VAV2: variants seen among roughly 807,000 people sequenced by gnomAD.
The protein encoded by VAV2 is guanine nucleotide exchange factor VAV2.
VAV2 carries 67 observed loss-of-function variants against 132.5 expected under a neutral mutation model. The ratio of observed to expected loss-of-function variants is 0.51; its 90% CI spans 0.42 to 0.62. The LOEUF (loss-of-function observed/expected upper bound fraction) is 0.62, where lower values mean the gene tolerates loss of function less well. VAV2 is among the 20% of genes least tolerant of loss of function. The pLI, the probability that VAV2 is intolerant of heterozygous loss-of-function variation, is 0.00. For synonymous variants in VAV2, 492 were observed against 443.5 expected, an observed-to-expected ratio of 1.11 and a Z score of -1.37; for missense variants, 938 against 1,153.6, an observed-to-expected ratio of 0.81 and a Z score of 2.71.
chr9:133,853,604 C>T (rs1322358611), intron 3 of VAV2, among the ~76,000 whole-genome samples: 2 of 152,116 alleles, frequency 1.3e-5, no homozygotes, highest in Non-Finnish European at 2.9e-5. Flanking sequence ...TGCACTACAG[C>T]CAACCCACAC....
rs879317769 is a variant in VAV2, at chr9:133,928,170, CGT to C, written c.321+10931_321+10932del. Among the ~76,000 whole-genome samples, 5 of 36,794 alleles carry C rather than the reference CGT, an allele frequency of 1.4e-4. No individual in the cohort carries two copies. The highest frequency in any genetic ancestry group is 2.3e-4 in the African/African-American group (5 of 21,888). 24.1% of individuals were successfully genotyped at this position (36,794 alleles called of 152,430 possible). The stretch of plus-strand genomic sequence containing the variant: ...CAGCATCCGATGGGCTTACCGACTC[CGT>C]GTGTGTGTGTGTGTGTGCGTGCATG... On this transcript the variant is annotated intron_variant, in intron 2 of 29. Transcript: ENST00000371850. The surrounding 1 kb of genome is among the most constrained non-coding windows in gnomAD (Gnocchi z 5.4).
chr9:133,911,151 C>T (rs745695), intron 2 of VAV2, among the ~76,000 whole-genome samples: 61,611 of 152,074 alleles, frequency 0.41, 12,971 homozygotes, highest in East Asian at 0.65. Context: ...TGTATTCACG[C>T]GTGCACTGGG....
intron 23 of VAV2, 75 bp downstream of exon 23, chr9:133,777,314 C>A: frequency 6.7e-7 from 1 of 1,496,900 alleles, no homozygotes; most frequent in Non-Finnish European, 9.2e-7. Flanking sequence ...AAAATGTCCA[C>A]GTGAGGAGGC....
Position 133,885,379 on chromosome 9 carries a change from C to A in VAV2, c.322-23947G>T, listed in dbSNP as rs1321848587. On this transcript the variant is annotated intron_variant, in intron 2 of 29. Transcript: ENST00000371850. The surrounding 1 kb of genome is among the most constrained non-coding windows in gnomAD (Gnocchi z 5.0). Reference sequence around the variant, plus strand: ...GTGTACTCAGGCATCCCTGTCACATCGATGAGCAAACATGGCCCAGCGATT... The same window carrying A: ...GTGTACTCAGGCATCCCTGTCACATAGATGAGCAAACATGGCCCAGCGATT... Among the ~76,000 whole-genome samples the A allele has an allele frequency of 6.6e-6, 1 of 152,224 alleles. No homozygotes were observed. The highest frequency in any genetic ancestry group is 2.1e-4 in the South Asian group (1 of 4,830).
Position 133,826,672 on chromosome 9 carries a change from T to C in VAV2, c.449+7600A>G, listed in dbSNP as rs555645477. Among the ~76,000 whole-genome samples the C allele has an allele frequency of 6.6e-6, 1 of 152,260 alleles. No homozygotes were observed. Among genetic ancestry groups the C allele is most frequent in the East Asian group, 1.9e-4 (1 of 5,178 alleles). ...CAGCCACCTAGGATGAAGCGGTGGC[T>C]AAATAAAGCTTGGTCTCATGTCCAT... On this transcript the variant is annotated intron_variant, in intron 4 of 29. Transcript: ENST00000371850. This position sits in a 1 kb window ranked among gnomAD's most constrained non-coding sequence, Gnocchi z 4.2.
At chr9:133,950,784 T>C (rs893570374) in intron 1 of VAV2, among the ~76,000 whole-genome samples, 2 of 152,126 alleles carry the variant, frequency 1.3e-5, no homozygotes, top group Admixed American at 6.6e-5. Flanking sequence ...AAGCCATCTG[T>C]GAAACGGGCT....
intron 1 of VAV2, among the ~76,000 whole-genome samples, chr9:133,987,550 G>A (rs886787917): frequency 5.3e-5 from 8 of 152,262 alleles, no homozygotes. Flanking sequence ...AGGGAGCACA[G>A]GGAGTTGAGG....
At chr9:133,984,121 ACC>A (rs1842782162) in intron 1 of VAV2, among the ~76,000 whole-genome samples, 2 of 152,028 alleles carry the variant, frequency 1.3e-5, no homozygotes, top group Admixed American at 1.3e-4. Context: ...ACAAGTGTGC[ACC>A]ACCACACCCA....
rs548470667 is a variant in VAV2 at position 133,795,870 on chromosome 9, G to T, written c.1033-134C>A. 35 of 912,812 alleles carry T rather than the reference G, an allele frequency of 3.8e-5. No homozygotes were observed. The African/African-American group carries it at 4.8e-4, about 13-fold the overall frequency. The allele number at this position is 912,812 out of a possible 1,614,324, so 56.5% of individuals were successfully genotyped here. On this transcript the variant is annotated intron_variant, in intron 11 of 29. Coordinates refer to ENST00000371850, the MANE Select transcript of VAV2 (RefSeq NM_001134398.2). The stretch of plus-strand genomic sequence containing the variant: ...GCCACCCCCACCCGCCAGCCAGGCT[G>T]GGTTTGGCTGCCCGACACCAAAGGA...
intron 2 of VAV2, among the ~76,000 whole-genome samples, chr9:133,894,355 A>C (rs1839110055): frequency 6.6e-6 from 1 of 152,206 alleles, no homozygotes; most frequent in Non-Finnish European, 1.5e-5. Flanking sequence ...TCCTTCAACA[A>C]AGGCTGGTGA....
chr9:133,775,358 C>T (rs1833776657), intron 24 of VAV2, among the ~76,000 whole-genome samples: 1 of 152,176 alleles, frequency 6.6e-6, no homozygotes, highest in African/African-American at 2.4e-5. Context: ...CTCTACAGAC[C>T]CCAAGGGCCT....
In VAV2 at chr9:133,912,660, G is replaced by A. The variant is rs193172717; in HGVS notation, c.321+26443C>T. Among the ~76,000 whole-genome samples, 1 of 152,272 alleles carries A rather than the reference G, an allele frequency of 6.6e-6. No individual in the cohort carries two copies. Among genetic ancestry groups the A allele is most frequent in the East Asian group, 1.9e-4 (1 of 5,178 alleles). On this transcript the variant is annotated intron_variant, in intron 2 of 29. Transcript: ENST00000371850. This position sits in a 1 kb window ranked among gnomAD's most constrained non-coding sequence, Gnocchi z 4.3. ...TTCTCCACGTGTGCACAGCACTCCC[G>A]AGGCGCTCCCAAGCTGTCAGGCAGC...
rs139234729 is a variant in VAV2 at position 133,802,691 on chromosome 9, C to T, written c.836+3390G>A. Among the ~76,000 whole-genome samples, 41 of 152,296 alleles carry T rather than the reference C, an allele frequency of 2.7e-4. No homozygotes were observed. The East Asian group carries it at 6.2e-3, about 23-fold the overall frequency. Reference sequence around the variant, plus strand: ...TACGTCAAATTCTGAACCCACCACACGGTGCACAAATGCCTCCTCCAGAGA... The same window carrying T: ...TACGTCAAATTCTGAACCCACCACATGGTGCACAAATGCCTCCTCCAGAGA... On this transcript the variant is annotated intron_variant, in intron 9 of 29. Coordinates refer to ENST00000371850, the MANE Select transcript of VAV2 (RefSeq NM_001134398.2). The surrounding 1 kb of genome is among the most constrained non-coding windows in gnomAD (Gnocchi z 5.8).
chr9:133,778,092 G>A (rs1052700218), intron 22 of VAV2, among the ~76,000 whole-genome samples: 3 of 152,066 alleles, frequency 2.0e-5, no homozygotes, highest in Non-Finnish European at 2.9e-5. Context: ...CATGCTCAAC[G>A]ACATGGGGTC....
At chr9:133,954,168 GAAGA>G (rs1007297668) in intron 1 of VAV2, among the ~76,000 whole-genome samples, 7 of 152,192 alleles carry the variant, frequency 4.6e-5, no homozygotes, top group East Asian at 3.9e-4. Flanking sequence ...ATCATTTCGA[GAAGA>G]AAGAGTCAAT....
Position 133,763,718 on chromosome 9 carries a change from G to A in VAV2, c.*344C>T. Reference sequence around the variant, plus strand: ...ATCTGCTGTTCAAACCTAGGCTCCTGAAGGCCATCTCAGTTGGACAGGGGC... The same window carrying A: ...ATCTGCTGTTCAAACCTAGGCTCCTAAAGGCCATCTCAGTTGGACAGGGGC... On this transcript the variant is annotated 3_prime_UTR_variant, in exon 30 of 30. Coordinates refer to ENST00000371850, the MANE Select transcript of VAV2 (RefSeq NM_001134398.2). The surrounding 1 kb of genome is among the most constrained non-coding windows in gnomAD (Gnocchi z 6.8). The A allele has an allele frequency of 6.1e-6, 2 of 328,668 alleles. No homozygotes were observed. Among genetic ancestry groups the A allele is most frequent in the Non-Finnish European group, 1.2e-5 (2 of 173,068 alleles). The allele number at this position is 328,668 out of a possible 1,614,324, so 20.4% of individuals were successfully genotyped here.
At position 133,883,432 on chromosome 9, in the gene VAV2, C is replaced by T. The variant is rs1312552334; in HGVS notation, c.322-22000G>A. Reference sequence around the variant, plus strand: ...AGGGAGAGGAACAGAGCCGAGTCAGCTGCTGACCTGCTGCAGCAGCTCAGC... The same window carrying T: ...AGGGAGAGGAACAGAGCCGAGTCAGTTGCTGACCTGCTGCAGCAGCTCAGC... On this transcript the variant is annotated intron_variant, in intron 2 of 29. Coordinates refer to ENST00000371850, the MANE Select transcript of VAV2 (RefSeq NM_001134398.2). This position sits in a 1 kb window ranked among gnomAD's most constrained non-coding sequence, Gnocchi z 4.2. Among the ~76,000 whole-genome samples, 4 of 152,184 alleles carry T rather than the reference C, an allele frequency of 2.6e-5. No homozygotes were observed. Among genetic ancestry groups the T allele is most frequent in the Non-Finnish European group, 5.9e-5 (4 of 68,040 alleles).
chr9:133,941,359 G>A (rs1338779888), intron 1 of VAV2, among the ~76,000 whole-genome samples: 2 of 151,264 alleles, frequency 1.3e-5, no homozygotes, highest in African/African-American at 2.4e-5. Context: ...AGTGAGCCGA[G>A]ATCGCACCAC....
Position 133,769,765 on chromosome 9 carries a change from A to G in VAV2, c.2348-262T>C, listed in dbSNP as rs1216196345. Among the ~76,000 whole-genome samples, 2 of 152,226 alleles carry G rather than the reference A, an allele frequency of 1.3e-5. No homozygotes were observed. The highest frequency in any genetic ancestry group is 3.9e-4 in the East Asian group (2 of 5,194). ...GAGCAAATTGGGACCACCTCCTCTC[A>G]TGCCCTCGCCTGGCACATAGCAGGT... is the stretch of plus-strand genomic sequence containing the variant. On this transcript the variant is annotated intron_variant, in intron 27 of 29. Transcript: ENST00000371850. The surrounding 1 kb of genome is among the most constrained non-coding windows in gnomAD (Gnocchi z 8.1).
Sources: gnomAD v4.1 joint callset for allele counts (sites outside exome capture counted in the v4.1 genomes callset) on GRCh38, gnomAD v4.1.1 for gene constraint, Gnocchi (gnomAD v3.1) non-coding constraint, MANE v1.5 for transcripts, NCBI Gene and HGNC (gene_info 2026-07-23, HGNC 2026-07-21) for gene names.